The following STAT4 variants were observed in gnomAD, a reference collection of about 807,000 sequenced individuals.
STAT4 encodes signal transducer and activator of transcription 4.
A neutral mutation model predicts 110.5 loss-of-function variants in STAT4; 42 were observed. The observed-to-expected ratio is 0.38, with a 90% CI of 0.30 to 0.49. STAT4 has a LOEUF of 0.49. Among genes scored for constraint, STAT4 ranks in the 20% least tolerant of loss-of-function variants. STAT4 has a pLI of 0.95. For synonymous variants in STAT4, 284 were observed against 302.2 expected, an observed-to-expected ratio of 0.94 and a Z score of 0.63; for missense variants, 632 against 887.9, an observed-to-expected ratio of 0.71 and a Z score of 3.66.
chr2:191,078,546 A>T (rs3024921), intron 3 of STAT4, among the ~76,000 whole-genome samples: 5,457 of 152,258 alleles, frequency 0.036, 148 homozygotes, highest in Non-Finnish European at 0.061. Context: ...ATCATTATAG[A>T]TTCAGTAACA....
At chr2:191,123,731 C>T (rs1698800081) in intron 3 of STAT4, among the ~76,000 whole-genome samples, 1 of 152,194 alleles carries the variant, frequency 6.6e-6, no homozygotes, top group Non-Finnish European at 1.5e-5. Flanking sequence ...ATATAGTACA[C>T]TGTAGAATAT....
In STAT4 at chr2:191,136,754, CA is replaced by C. The variant is rs149268948; in HGVS notation, c.273+9858del. 2.0e-5 allele frequency among the ~76,000 whole-genome samples: 3 copies of C among 151,968 alleles called. No individual in the cohort carries two copies. In the East Asian group the frequency reaches 5.8e-4, roughly 29 times the overall value. On this transcript the variant is annotated intron_variant, in intron 3 of 23. Coordinates refer to ENST00000392320, the MANE Select transcript of STAT4 (RefSeq NM_003151.4). ...TGGGTGACAGAGTGAGACTCTGTAT[CA>C]AAAAAGAAAAATTTGTCCTTCTTTG... is the stretch of plus-strand genomic sequence containing the variant.
At chr2:191,047,897 C>A (rs969072406) in intron 14 of STAT4, among the ~76,000 whole-genome samples, 5 of 152,188 alleles carry the variant, frequency 3.3e-5, no homozygotes, top group African/African-American at 1.2e-4. Flanking sequence ...AACTCCTGAG[C>A]TCAAGTGATC....
intron 3 of STAT4, among the ~76,000 whole-genome samples, chr2:191,081,919 C>T (rs1466405251): frequency 6.6e-6 from 1 of 152,270 alleles, no homozygotes; most frequent in Admixed American, 6.5e-5. Context: ...CATTTTTCCT[C>T]ACTTGCATCA....
At chr2:191,073,260 T>A (rs1267279828) in intron 4 of STAT4, 70 bp from the exon 5 acceptor site, 5 of 1,291,374 alleles carry the variant, frequency 3.9e-6, no homozygotes, top group East Asian at 2.3e-5. Context: ...ACATACCGCA[T>A]ACAATTCGAC....
At chr2:191,085,319 T>C (rs1456406576) in intron 3 of STAT4, among the ~76,000 whole-genome samples, 2 of 151,942 alleles carry the variant, frequency 1.3e-5, no homozygotes, top group Non-Finnish European at 2.9e-5. Flanking sequence ...TAAAACTAAC[T>C]TTTCAGAAGT....
Position 191,146,361 on chromosome 2 carries a change from A to C in STAT4, c.273+252T>G, listed in dbSNP as rs907416218. ...TTGAACTGAATCATAGCTAGTAAAC[A>C]AGATACATGCAAGTCCCACATGCAA... On this transcript the variant is annotated intron_variant, in intron 3 of 23. Transcript: ENST00000392320. This position sits in a 1 kb window ranked among gnomAD's most constrained non-coding sequence, Gnocchi z 4.5. Among the ~76,000 whole-genome samples, 8 of 152,304 alleles carry C rather than the reference A, an allele frequency of 5.3e-5. No individual in the cohort carries two copies. Among genetic ancestry groups the C allele is most frequent in the Non-Finnish European group, 1.2e-4 (8 of 68,022 alleles).
In STAT4 at chr2:191,090,052, C is replaced by T. The variant is rs1433521297; in HGVS notation, c.274-13727G>A. On this transcript the variant is annotated intron_variant, in intron 3 of 23. Transcript: ENST00000392320. This position sits in a 1 kb window ranked among gnomAD's most constrained non-coding sequence, Gnocchi z 4.2. ...GTGAGCCCTAATGTAAATTATGGGA[C>T]TTTAGTTAATAATAATATAATATTG... Among the ~76,000 whole-genome samples, 1 of 151,730 alleles carries T rather than the reference C, an allele frequency of 6.6e-6. No individual in the cohort carries two copies. Among genetic ancestry groups the T allele is most frequent in the Non-Finnish European group, 1.5e-5 (1 of 67,988 alleles).
At position 191,050,564 on chromosome 2, in the gene STAT4, G is replaced by C. The variant is rs774316783; in HGVS notation, c.1251+3926C>G. ...GAATCTTAGTCAAAGGGACTTCAGA[G>C]ATTGTCTAGTCCAATGAGTCCAAAT... On this transcript the variant is annotated intron_variant, in intron 14 of 23. Coordinates refer to ENST00000392320, the MANE Select transcript of STAT4 (RefSeq NM_003151.4). The surrounding 1 kb of genome is among the most constrained non-coding windows in gnomAD (Gnocchi z 4.3). Among the ~76,000 whole-genome samples the C allele has an allele frequency of 6.6e-6, 1 of 151,916 alleles. No individual in the cohort carries two copies. Among genetic ancestry groups the C allele is most frequent in the South Asian group, 2.1e-4 (1 of 4,828 alleles).
chr2:191,118,642 C>A (rs1273831562), intron 3 of STAT4, among the ~76,000 whole-genome samples: 1 of 152,054 alleles, frequency 6.6e-6, no homozygotes, highest in African/African-American at 2.4e-5. Context: ...ATCATTTTTG[C>A]ATTTTTATTA....
intron 7 of STAT4, among the ~76,000 whole-genome samples, chr2:191,065,258 T>C (rs1370578711): frequency 6.6e-6 from 1 of 152,198 alleles, no homozygotes; most frequent in Admixed American, 6.6e-5. Context: ...CAAAACTGTA[T>C]AGTTGCTTAT....
In STAT4 at chr2:191,050,692, A is replaced by G. The variant is rs1333620237; in HGVS notation, c.1251+3798T>C. ...TAAAGCTGCCTTGATAGAAACAGGC[A>G]TGAGGGAGCCAGAGCTCCACATTTC... On this transcript the variant is annotated intron_variant, in intron 14 of 23. Coordinates refer to ENST00000392320, the MANE Select transcript of STAT4 (RefSeq NM_003151.4). The surrounding 1 kb of genome is among the most constrained non-coding windows in gnomAD (Gnocchi z 4.3). Among the ~76,000 whole-genome samples, 1 of 152,152 alleles carries G rather than the reference A, an allele frequency of 6.6e-6. No homozygotes were observed.
rs748355999 is a variant in STAT4 at position 191,032,889 on chromosome 2, T to C, written c.2044+69A>G. 4.2e-5 allele frequency: 61 copies of C among 1,443,654 alleles called. No individual in the cohort carries two copies. The highest frequency in any genetic ancestry group is 2.0e-4 in the Middle Eastern group (1 of 5,118). The allele number at this position is 1,443,654 out of a possible 1,614,324, so 89.4% of individuals were successfully genotyped here. A position where few individuals can be genotyped will look rare whatever the true frequency, so the allele number is the denominator to read the frequency against. On this transcript the variant is annotated intron_variant, in intron 21 of 23. Coordinates refer to ENST00000392320, the MANE Select transcript of STAT4 (RefSeq NM_003151.4). This position sits in a 1 kb window ranked among gnomAD's most constrained non-coding sequence, Gnocchi z 4.9. ...ACAAGAAGGGGAACTTCATTTACTT[T>C]GCTCCAATATGAGGTTATTTTCCAA...
rs554477750 is a variant in STAT4 at position 191,077,753 on chromosome 2, G to T, written c.274-1428C>A. On this transcript the variant is annotated intron_variant, in intron 3 of 23. Coordinates refer to ENST00000392320, the MANE Select transcript of STAT4 (RefSeq NM_003151.4). This position sits in a 1 kb window ranked among gnomAD's most constrained non-coding sequence, Gnocchi z 4.1. Reference sequence around the variant, plus strand: ...TGTATGTTAATTACCACTTCTATTTGTAAAACAAGAGTAAACACCAACTAT... The same window carrying T: ...TGTATGTTAATTACCACTTCTATTTTTAAAACAAGAGTAAACACCAACTAT... 1.3e-5 allele frequency among the ~76,000 whole-genome samples: 2 copies of T among 152,076 alleles called. No individual in the cohort carries two copies. Among genetic ancestry groups the T allele is most frequent in the South Asian group, 4.2e-4 (2 of 4,810 alleles).
chr2:191,101,822 C>T (rs1248886925), intron 3 of STAT4, among the ~76,000 whole-genome samples: 2 of 152,024 alleles, frequency 1.3e-5, no homozygotes, highest in East Asian at 3.9e-4. Context: ...TGATTTTGGG[C>T]TGGAATTTGA....
Position 191,062,343 on chromosome 2 carries a change from A to G in STAT4, c.941+419T>C, listed in dbSNP as rs1696872346. Among the ~76,000 whole-genome samples, 1 of 152,200 alleles carries G rather than the reference A, an allele frequency of 6.6e-6. No individual in the cohort carries two copies. On this transcript the variant is annotated intron_variant, in intron 9 of 23. Transcript: ENST00000392320. This position sits in a 1 kb window ranked among gnomAD's most constrained non-coding sequence, Gnocchi z 4.9. ...GGTGCTGAGATTACAGGTGTGAGCC[A>G]CCATACCTGGCCAAAAATAAATTTC...
chr2:191,124,560 T>C (rs938686492), intron 3 of STAT4, among the ~76,000 whole-genome samples: 1 of 152,132 alleles, frequency 6.6e-6, no homozygotes, highest in South Asian at 2.1e-4. Flanking sequence ...CACAGTCTTA[T>C]GCAGGAGGCA....
intron 3 of STAT4, among the ~76,000 whole-genome samples, chr2:191,100,354 C>T (rs1698119414): frequency 1.3e-5 from 2 of 152,096 alleles, no homozygotes; most frequent in Non-Finnish European, 2.9e-5. Flanking sequence ...CTAAATGACC[C>T]GTAAGTCAAC....
intron 3 of STAT4, chr2:191,131,738 A>G: frequency 8.0e-7 from 1 of 1,251,122 alleles, no homozygotes; most frequent in South Asian, 3.3e-5. Flanking sequence ...TTGTATTAGA[A>G]GGAATAGATG....
Sources: allele counts gnomAD v4.1 joint callset (sites outside exome capture counted in the v4.1 genomes callset), GRCh38; gene constraint gnomAD v4.1.1; non-coding constraint Gnocchi (gnomAD v3.1); transcripts MANE v1.5; gene names NCBI Gene and HGNC (gene_info 2026-07-23, HGNC 2026-07-21).